The following DLG2 variants were observed in gnomAD, a reference collection of about 807,000 sequenced individuals.
DLG2 encodes the protein disks large homolog 2.
In DLG2, 45 loss-of-function variants were observed where a neutral mutation model predicts 132.5. The ratio of observed to expected loss-of-function variants is 0.34; its 90% CI spans 0.27 to 0.44. The LOEUF is 0.44. DLG2 is among the 20% of genes least tolerant of loss of function. The pLI is 1.00. For synonymous variants in DLG2, 424 were observed against 419.6 expected (o/e 1.01, Z -0.13); for missense variants, 1,045 against 1,196.9 (o/e 0.87, Z 1.87).
chr11:84,384,258 C>A (rs1323643582), intron 7 of DLG2, among the ~76,000 whole-genome samples: 3 of 151,272 alleles, frequency 2.0e-5, no homozygotes, highest in Admixed American at 2.0e-4. Context: ...ATAGGAAAAC[C>A]AAACAGGGCT....
intron 4 of DLG2, among the ~76,000 whole-genome samples, chr11:85,280,415 G>A (rs2078155347): frequency 6.6e-6 from 1 of 151,980 alleles, no homozygotes; most frequent in African/African-American, 2.4e-5. Flanking sequence ...ACTAGCAACT[G>A]GCAAAAGCAA....
chr11:84,287,780 A>ACACACACACACAC (rs1555484199), intron 7 of DLG2, among the ~76,000 whole-genome samples: 2 of 149,518 alleles, frequency 1.3e-5, no homozygotes, highest in African/African-American at 2.5e-5. Context: ...ACACACACAC[A>ACACACACACACAC]AATACTTTAT....
chr11:83,589,131 T>C (rs1364316500), intron 19 of DLG2, among the ~76,000 whole-genome samples: 1 of 149,094 alleles, frequency 6.7e-6, no homozygotes, highest in Non-Finnish European at 1.5e-5. Context: ...ATTCAGGAAA[T>C]ACAGAGAATG....
At chr11:84,840,881 C>G (rs1166339520) in intron 6 of DLG2, among the ~76,000 whole-genome samples, 9 of 151,634 alleles carry the variant, frequency 5.9e-5, no homozygotes, top group Admixed American at 5.9e-4. Context: ...AGCAGAATAC[C>G]TAGTGTAAAT....
intron 6 of DLG2, among the ~76,000 whole-genome samples, chr11:84,962,022 A>G (rs183181388): frequency 6.6e-6 from 1 of 152,334 alleles, no homozygotes; most frequent in African/African-American, 2.4e-5. Context: ...GAAACAAATG[A>G]AGAGACAAAT....
intron 6 of DLG2, among the ~76,000 whole-genome samples, chr11:84,704,291 G>C (rs532043329): frequency 2.0e-5 from 3 of 151,602 alleles, no homozygotes; most frequent in East Asian, 2.0e-4. Context: ...CTAAATCTGA[G>C]TTCTGCAAAG....
chr11:85,117,442 T>C (rs1216405164), intron 5 of DLG2, among the ~76,000 whole-genome samples: 11 of 151,988 alleles, frequency 7.2e-5, no homozygotes, highest in Non-Finnish European at 1.2e-4. Flanking sequence ...GCACTATTTG[T>C]CAGTAATTTT....
At chr11:84,371,883 T>C (rs1238307844) in intron 7 of DLG2, among the ~76,000 whole-genome samples, 7 of 152,200 alleles carry the variant, frequency 4.6e-5, no homozygotes, top group Admixed American at 4.6e-4. Context: ...TTTTACTTTA[T>C]TAAAAAGATA....
chr11:84,832,840 T>A (rs987314841), intron 6 of DLG2, among the ~76,000 whole-genome samples: 11 of 151,546 alleles, frequency 7.3e-5, no homozygotes, highest in Non-Finnish European at 1.5e-4. Flanking sequence ...TTGGATTATA[T>A]CCGTGGCATT....
At chr11:84,971,234 A>G (rs1241571136) in intron 6 of DLG2, among the ~76,000 whole-genome samples, 1 of 152,234 alleles carries the variant, frequency 6.6e-6, no homozygotes, top group Non-Finnish European at 1.5e-5. Context: ...TAAAAGGAAA[A>G]AGAAAATGAA....
chr11:84,476,584 C>T (rs1199786516), intron 7 of DLG2, among the ~76,000 whole-genome samples: 1 of 152,048 alleles, frequency 6.6e-6, no homozygotes, highest in African/African-American at 2.4e-5. Flanking sequence ...GTTAATTGTT[C>T]AAGAAAAAAT....
intron 19 of DLG2, among the ~76,000 whole-genome samples, chr11:83,566,789 A>T (rs2096717271): frequency 6.6e-6 from 1 of 151,726 alleles, no homozygotes; most frequent in Non-Finnish European, 1.5e-5. Flanking sequence ...TTTCATTCAA[A>T]AACAATCTGT....
intron 6 of DLG2, among the ~76,000 whole-genome samples, chr11:85,013,430 A>C (rs930857950): frequency 3.9e-5 from 6 of 152,166 alleles, no homozygotes; most frequent in African/African-American, 1.4e-4. Context: ...AAGATGCCCC[A>C]GCTAGAAAGA....
In DLG2 at chr11:85,371,780, A is replaced by G. The variant is rs1174282350; in HGVS notation, c.41-86415T>C. Among the ~76,000 whole-genome samples the G allele has an allele frequency of 2.0e-5, 3 of 152,190 alleles. No individual in the cohort carries two copies. In the East Asian group the frequency reaches 5.8e-4, roughly 29 times the overall value. ...CACAAGTATTTGAAGATGAAAACCCATGGCTGGGCTTGGTTTTAAAAGGTC... is the reference window on the plus strand; with the variant it reads ...CACAAGTATTTGAAGATGAAAACCCGTGGCTGGGCTTGGTTTTAAAAGGTC... On this transcript the variant is annotated intron_variant, in intron 3 of 27. Transcript: ENST00000376104.
At chr11:85,203,911 A>G (rs766984670) in intron 4 of DLG2, among the ~76,000 whole-genome samples, 1 of 152,162 alleles carries the variant, frequency 6.6e-6, no homozygotes, top group East Asian at 1.9e-4. Context: ...AATACATCAC[A>G]TTAACAGAAT....
chr11:85,216,981 G>A (rs987299403), intron 4 of DLG2, among the ~76,000 whole-genome samples: 15 of 151,898 alleles, frequency 9.9e-5, no homozygotes, highest in African/African-American at 1.7e-4. Flanking sequence ...GGTGTGAGCC[G>A]CCGCGCCTGG....
chr11:85,481,949 G>A (rs753036190), intron 3 of DLG2, among the ~76,000 whole-genome samples: 70 of 152,000 alleles, frequency 4.6e-4, no homozygotes, highest in Non-Finnish European at 7.4e-4. Flanking sequence ...CAGCCCCAGG[G>A]TCCAGGTCTA....
intron 18 of DLG2, among the ~76,000 whole-genome samples, chr11:83,708,171 T>A (rs2084503484): frequency 6.6e-6 from 1 of 152,202 alleles, no homozygotes; most frequent in African/African-American, 2.4e-5. Flanking sequence ...GTGTTTAAGT[T>A]ATATTTGAAG....
intron 6 of DLG2, among the ~76,000 whole-genome samples, chr11:84,814,153 C>T (rs1367105161): frequency 6.6e-6 from 1 of 151,966 alleles, no homozygotes; most frequent in Non-Finnish European, 1.5e-5. Flanking sequence ...AGACTCCCCT[C>T]AAAGAAAGTT....
Sources: gnomAD v4.1 joint callset for allele counts (sites outside exome capture counted in the v4.1 genomes callset) on GRCh38, gnomAD v4.1.1 for gene constraint, MANE v1.5 for transcripts, NCBI Gene and HGNC (gene_info 2026-07-23, HGNC 2026-07-21) for gene names.